MNS1: variants seen among roughly 807,000 people sequenced by gnomAD.
MNS1 encodes the protein meiosis-specific nuclear structural protein 1.
Under a neutral mutation model 72.0 loss-of-function variants are expected in MNS1, and 63 were observed. That is an observed-to-expected ratio of 0.87 (90% confidence interval 0.71 to 1.08). MNS1 has a LOEUF of 1.08. Ranked by LOEUF, MNS1 falls within the 50% of genes least tolerant of loss-of-function variation. The probability of loss-of-function intolerance (pLI) is 0.00; values close to 1 mark genes in which losing one functional copy is unlikely to be tolerated. For missense variants in MNS1, 604 were observed against 562.4 expected, an observed-to-expected ratio of 1.07 and a Z score of -0.75; for synonymous variants, 188 against 172.1, an observed-to-expected ratio of 1.09 and a Z score of -0.72.
chr15:56,429,634 G>A (rs1392463264), intron 9 of MNS1: 1 of 152,786 alleles, frequency 6.5e-6, no homozygotes, highest in Non-Finnish European at 1.5e-5. Context: ...TTGCAGAAAA[G>A]AATCCAGGTT....
At position 56,456,539 on chromosome 15, in the gene MNS1, C is replaced by G; in HGVS notation, c.226-18G>C. 6.2e-7 allele frequency: 1 copy of G among 1,604,642 alleles called. No homozygotes were observed. Among genetic ancestry groups the G allele is most frequent in the Non-Finnish European group, 8.5e-7 (1 of 1,177,618 alleles). On this transcript the variant is annotated intron_variant, in intron 2 of 9. Coordinates refer to ENST00000260453, the MANE Select transcript of MNS1 (RefSeq NM_018365.4). The stretch of plus-strand genomic sequence containing the variant: ...TCTTCTGCCTGAACGAAAAATTTAA[C>G]TTCGTTGTTTGTCCTCTAGAATCAG...
At chr15:56,464,309 G>A (rs2051044015) in intron 1 of MNS1, 62 bp from the exon 2 acceptor site, 3 of 1,200,978 alleles carry the variant, frequency 2.5e-6, no homozygotes, top group Non-Finnish European at 3.5e-6. Context: ...TTTAAAAAAT[G>A]TATTGATATA....
intron 2 of MNS1, among the ~76,000 whole-genome samples, chr15:56,461,681 A>AAACC: frequency 6.8e-6 from 1 of 147,106 alleles, no homozygotes; most frequent in Non-Finnish European, 1.5e-5. Context: ...AAAAAAAAAA[A>AAACC]ACGACACAGA....
chr15:56,434,650 A>AT (rs1361864532), intron 7 of MNS1, among the ~76,000 whole-genome samples: 45 of 152,178 alleles, frequency 3.0e-4, no homozygotes, highest in Admixed American at 7.9e-4. Flanking sequence ...TCTACTCAGA[A>AT]TTAACACGTA....
In MNS1 at chr15:56,461,991, T is replaced by G. The variant is rs1288400503; in HGVS notation, c.225+2035A>C. On this transcript the variant is annotated intron_variant, in intron 2 of 9. Coordinates refer to ENST00000260453, the MANE Select transcript of MNS1 (RefSeq NM_018365.4). ...TTTGTTGTTGTTTTTTTTTTTTTTT[T>G]TTTTTTTTTTTTTTTTTTTGTGGGG... 1.7e-3 allele frequency among the ~76,000 whole-genome samples: 226 copies of G among 132,324 alleles called. 3 individuals are homozygous for G. The highest frequency in any genetic ancestry group is 3.6e-3 in the Middle Eastern group (1 of 274). The allele number at this position is 132,324 out of a possible 152,430, so 86.8% of individuals were successfully genotyped here. A position where few individuals can be genotyped will look rare whatever the true frequency, so the allele number is the denominator to read the frequency against.
chr15:56,462,931 A>G (rs927892225), intron 2 of MNS1, among the ~76,000 whole-genome samples: 3 of 152,180 alleles, frequency 2.0e-5, no homozygotes, highest in Non-Finnish European at 2.9e-5. Context: ...AAAATATCCA[A>G]CCCCTAAGAT....
chr15:56,440,459 C>T (rs1428563848), intron 7 of MNS1, among the ~76,000 whole-genome samples: 1 of 152,162 alleles, frequency 6.6e-6, no homozygotes, highest in African/African-American at 2.4e-5. Context: ...CTAATACAAT[C>T]TTGAGCATTT....
intron 9 of MNS1, chr15:56,429,943 AT>A (rs1283090674): frequency 1.3e-5 from 2 of 152,196 alleles, no homozygotes; most frequent in Non-Finnish European, 2.9e-5. Flanking sequence ...AATTTAGTTT[AT>A]GAAATGTATT....
intron 4 of MNS1, among the ~76,000 whole-genome samples, chr15:56,446,596 T>C (rs808731): frequency 0.036 from 5,464 of 152,110 alleles, 249 homozygotes; most frequent in African/African-American, 0.1. Context: ...TTAGAGACTA[T>C]AAAGAATGCT....
At chr15:56,463,582 G>A (rs1303462027) in intron 2 of MNS1, among the ~76,000 whole-genome samples, 1 of 152,066 alleles carries the variant, frequency 6.6e-6, no homozygotes, top group African/African-American at 2.4e-5. Context: ...AGGAGTTCGA[G>A]ATCAGCCTGG....
At position 56,464,089 on chromosome 15, in the gene MNS1, C is replaced by T; in HGVS notation, c.162G>A (p.Lys54=). The T allele has an allele frequency of 6.2e-7, 1 of 1,613,958 alleles. No homozygotes were observed. Among genetic ancestry groups the T allele is most frequent in the Non-Finnish European group, 8.5e-7 (1 of 1,180,014 alleles). ...QNENDNRVQR[K]QFLRLLQNEQ... ...CATTTTGTAATAATCTGAGAAATTG[C>T]TTGCGCTGAACACGGTTATCATTTT... The change falls in exon 2 of 10, where the codon AAG becomes AAA. Residue 54 remains lysine, a synonymous_variant. Coordinates refer to ENST00000260453, the MANE Select transcript of MNS1 (RefSeq NM_018365.4).
At chr15:56,438,240 A>G (rs532172177) in intron 7 of MNS1, among the ~76,000 whole-genome samples, 1 of 152,306 alleles carries the variant, frequency 6.6e-6, no homozygotes, top group African/African-American at 2.4e-5. Flanking sequence ...AGTAACCAAA[A>G]CAGCATGGTA....
At chr15:56,464,846 A>G in intron 1 of MNS1, 124 bp downstream of exon 1, 1 of 1,406,650 alleles carries the variant, frequency 7.1e-7, no homozygotes. Context: ...TCCGAAAGCA[A>G]ATACAAGTTC....
rs368167669 is a variant in MNS1, at chr15:56,434,253, T to G, written c.1154A>C (p.Glu385Ala). ...ATTCATTAATTCTATTCGATCATCC[T>G]CAGCAAATTTAGCTAGCATAGTTTT... ...FRKTMLAKFA[E>A]DDRIELMNAQ... is the part of the protein sequence containing the mutation. Residue 385 changes from glutamate to alanine, a missense_variant, in exon 8 of 10, where the codon GAG (glutamate) becomes GCG (alanine). Physicochemically the swap from Glu to Ala is moderately radical, Grantham distance 107. Transcript: ENST00000260453. 6.2e-7 allele frequency: 1 copy of G among 1,613,912 alleles called. No individual in the cohort carries two copies. Among genetic ancestry groups the G allele is most frequent in the Non-Finnish European group, 8.5e-7 (1 of 1,179,878 alleles).
intron 3 of MNS1, chr15:56,447,703 T>C (rs1013551082): frequency 1.3e-5 from 2 of 152,182 alleles, no homozygotes; most frequent in East Asian, 3.8e-4. Flanking sequence ...AAGGATACAG[T>C]TTGATAAGTT....
At chr15:56,461,979 T>TTTTTG (rs1596269818) in intron 2 of MNS1, among the ~76,000 whole-genome samples, 18 of 28,914 alleles carry the variant, frequency 6.2e-4, no homozygotes, top group African/African-American at 1.7e-3. Context: ...GTTGTTGTTT[T>TTTTTG]TTTTTTTTTT....
chr15:56,452,544 A>G (rs527712510), intron 3 of MNS1, among the ~76,000 whole-genome samples: 7 of 147,914 alleles, frequency 4.7e-5, no homozygotes, highest in Non-Finnish European at 6.0e-5. Flanking sequence ...TTTGAGACAG[A>G]GTCTCTCTCT....
At chr15:56,437,938 G>A (rs1400011313) in intron 7 of MNS1, among the ~76,000 whole-genome samples, 1 of 152,002 alleles carries the variant, frequency 6.6e-6, no homozygotes, top group Non-Finnish European at 1.5e-5. Context: ...AAGGAGAACT[G>A]CAAACCACTG....
intron 2 of MNS1, among the ~76,000 whole-genome samples, chr15:56,460,009 A>ATATATATATATATATATATATATAT (rs1555449667): frequency 1.1e-4 from 3 of 26,386 alleles, no homozygotes; most frequent in African/African-American, 4.5e-4. Flanking sequence ...AAAAAAAAAA[A>ATATATATATATATATATATATATAT]ATACATATAT....
Sources: gnomAD v4.1 joint callset for allele counts (sites outside exome capture counted in the v4.1 genomes callset) on GRCh38, gnomAD v4.1.1 for gene constraint, MANE v1.5 for transcripts, NCBI Gene and HGNC (gene_info 2026-07-23, HGNC 2026-07-21) for gene names.